The following CDKN2B-AS1 variants were observed in gnomAD, a reference collection of about 807,000 sequenced individuals.
CDKN2B-AS1 encodes the protein CDKN2B antisense RNA 1 (non-protein coding).
chr9:22,092,996 T>C (rs949663378), intron 4 of CDKN2B-AS1, among the ~76,000 whole-genome samples: 3 of 152,194 alleles, frequency 2.0e-5, no homozygotes, highest in Non-Finnish European at 4.4e-5. Context: ...CTGCTTTGAA[T>C]GTGTCCCAGA....
At chr9:22,084,281 G>A (rs1309554104) in intron 4 of CDKN2B-AS1, among the ~76,000 whole-genome samples, 1 of 152,144 alleles carries the variant, frequency 6.6e-6, no homozygotes, top group Non-Finnish European at 1.5e-5. Flanking sequence ...GCTGTTCCTA[G>A]GTCAGGCATG....
intron 1 of CDKN2B-AS1, among the ~76,000 whole-genome samples, chr9:22,031,417 A>G (rs571257592): frequency 9.2e-5 from 14 of 152,330 alleles, no homozygotes; most frequent in Admixed American, 3.3e-4. Context: ...AGGCATAACT[A>G]TACCCATTTT....
At chr9:22,111,215 A>G (rs1266463291) in intron 4 of CDKN2B-AS1, among the ~76,000 whole-genome samples, 1 of 152,150 alleles carries the variant, frequency 6.6e-6, no homozygotes, top group African/African-American at 2.4e-5. Context: ...GATGCACTAC[A>G]AAACTGAGGC....
rs769088987 is a variant in CDKN2B-AS1 at position 22,039,425 on chromosome 9, G to A, written n.30-7326G>A. ...GTCAATTCTCCATATATAAATACTCGGCCCCTGTTTTAGCTGTGTCTTAAT... is the reference window on the plus strand; with the variant it reads ...GTCAATTCTCCATATATAAATACTCAGCCCCTGTTTTAGCTGTGTCTTAAT... On this transcript the variant is annotated intron_variant and non_coding_transcript_variant, in intron 1 of 4. Coordinates refer to ENST00000650946, the Ensembl canonical transcript of CDKN2B-AS1. The surrounding 1 kb of genome is among the most constrained non-coding windows in gnomAD (Gnocchi z 4.4). Among the ~76,000 whole-genome samples the A allele has an allele frequency of 6.6e-6, 1 of 151,756 alleles. No homozygotes were observed. The highest frequency in any genetic ancestry group is 1.5e-5 in the Non-Finnish European group (1 of 67,920).
At chr9:22,118,621 C>G (rs1423227941) in intron 4 of CDKN2B-AS1, 1 of 152,178 alleles carries the variant, frequency 6.6e-6, no homozygotes, top group East Asian at 1.9e-4. Context: ...ATGGTTTTCC[C>G]TTTACCTTTC....
rs1820692818 is a variant in CDKN2B-AS1, at chr9:21,996,493, C to G, written n.29+1332C>G. 6.6e-6 allele frequency among the ~76,000 whole-genome samples: 1 copy of G among 152,146 alleles called. No homozygotes were observed. On this transcript the variant is annotated intron_variant and non_coding_transcript_variant, in intron 1 of 4. Coordinates refer to ENST00000650946, the Ensembl canonical transcript of CDKN2B-AS1. This position sits in a 1 kb window ranked among gnomAD's most constrained non-coding sequence, Gnocchi z 5.4. ...AGTAAGTAGCCCTTCCTCAGAAATG[C>G]TTCCCTTTTCAGGCACCCTCATACC...
chr9:22,061,045 C>T (rs1823798010), intron 4 of CDKN2B-AS1, among the ~76,000 whole-genome samples: 1 of 152,144 alleles, frequency 6.6e-6, no homozygotes, highest in Admixed American at 6.5e-5. Context: ...AAAAAACAAA[C>T]TTTTGAGAAT....
chr9:22,018,580 C>A (rs1030385515), intron 1 of CDKN2B-AS1, among the ~76,000 whole-genome samples: 1 of 152,160 alleles, frequency 6.6e-6, no homozygotes, highest in Non-Finnish European at 1.5e-5. Flanking sequence ...TCGCTTGAAC[C>A]TGGGAGGCAG....
chr9:22,006,258 G>C lies in CDKN2B-AS1; in HGVS notation n.29+11097G>C, dbSNP rs551689864. 4.6e-5 allele frequency: 73 copies of C among 1,602,964 alleles called. No individual in the cohort carries two copies. The South Asian group carries it at 4.6e-4, about 10-fold the overall frequency. ...GCCCATCATCATGACCTGCCAGAGA[G>C]AGCAGAGTGGTCAGAGCCAGGGTGG... is the stretch of plus-strand genomic sequence containing the variant. On this transcript the variant is annotated intron_variant and non_coding_transcript_variant, in intron 1 of 4. Coordinates refer to ENST00000650946, the Ensembl canonical transcript of CDKN2B-AS1. This position sits in a 1 kb window ranked among gnomAD's most constrained non-coding sequence, Gnocchi z 6.4.
At chr9:22,057,230 T>C (rs908639847) in intron 4 of CDKN2B-AS1, among the ~76,000 whole-genome samples, 13 of 152,312 alleles carry the variant, frequency 8.5e-5, no homozygotes, top group Non-Finnish European at 1.3e-4. Context: ...AGCAGAGCTA[T>C]GTATTCTTCA....
intron 1 of CDKN2B-AS1, chr9:22,029,558 G>C (rs374024616): frequency 7.7e-6 from 6 of 778,618 alleles, no homozygotes; most frequent in Non-Finnish European, 1.2e-5. Context: ...TGGTAGTTAG[G>C]GTGTGGTATG....
At chr9:22,057,621 C>T (rs896418203) in intron 4 of CDKN2B-AS1, among the ~76,000 whole-genome samples, 2 of 151,954 alleles carry the variant, frequency 1.3e-5, no homozygotes, top group African/African-American at 2.4e-5. Context: ...CCAGCTTGGG[C>T]AACATGGTGT....
intron 4 of CDKN2B-AS1, among the ~76,000 whole-genome samples, chr9:22,105,477 G>A (rs1825626603): frequency 6.6e-6 from 1 of 152,188 alleles, no homozygotes; most frequent in South Asian, 2.1e-4. Context: ...AGCTCTTCAT[G>A]AATCTCTATT....
chr9:22,077,101 C>T (rs1470946557), intron 4 of CDKN2B-AS1, among the ~76,000 whole-genome samples: 2 of 152,078 alleles, frequency 1.3e-5, no homozygotes, highest in East Asian at 3.9e-4. Flanking sequence ...TTTCCTCCAC[C>T]CACCCTACCT....
At chr9:22,126,639 C>A (rs933289238) in intron 4 of CDKN2B-AS1, among the ~76,000 whole-genome samples, 1 of 129,400 alleles carries the variant, frequency 7.7e-6, no homozygotes, top group Non-Finnish European at 1.5e-5. Context: ...GTGGCGCTAT[C>A]TCGGCTCACT....
intron 1 of CDKN2B-AS1, among the ~76,000 whole-genome samples, chr9:22,021,163 T>C (rs981323512): frequency 6.6e-6 from 1 of 152,226 alleles, no homozygotes; most frequent in African/African-American, 2.4e-5. Context: ...TTTGTCAGGT[T>C]TGTTGAAGAT....
chr9:22,017,834 C>G (rs1479830853), intron 1 of CDKN2B-AS1, among the ~76,000 whole-genome samples: 1 of 145,840 alleles, frequency 6.9e-6, no homozygotes, highest in Non-Finnish European at 1.5e-5. Flanking sequence ...CATTAGTAAC[C>G]AACCTTAAAC....
intron 1 of CDKN2B-AS1, chr9:22,004,472 G>T (rs1037193734): frequency 2.6e-5 from 6 of 232,656 alleles, no homozygotes; most frequent in East Asian, 1.2e-4. Flanking sequence ...AACATTGAGA[G>T]AAGGGAACCC....
chr9:22,116,072 T>C (rs1537375), intron 4 of CDKN2B-AS1, among the ~76,000 whole-genome samples: 87,076 of 152,046 alleles, frequency 0.57, 25,465 homozygotes, highest in Middle Eastern at 0.7. Flanking sequence ...TTAGCTTCTT[T>C]ATCTCTTTCC....
Sources: gnomAD v4.1 joint callset for allele counts (sites outside exome capture counted in the v4.1 genomes callset) on GRCh38, gnomAD v4.1.1 for gene constraint, Gnocchi (gnomAD v3.1) non-coding constraint, MANE v1.5 for transcripts, NCBI Gene and HGNC (gene_info 2026-07-23, HGNC 2026-07-21) for gene names.